The following SPAG9 variants were observed in gnomAD, a reference collection of about 807,000 sequenced individuals.
SPAG9 encodes sperm associated antigen 9, also known as C-Jun-amino-terminal kinase-interacting protein 4.
SPAG9 carries 35 observed loss-of-function variants against 166.5 expected under a neutral mutation model. The observed-to-expected ratio is 0.21, with a 90% confidence interval of 0.16 to 0.28. The LOEUF is 0.28. Among genes scored for constraint, SPAG9 ranks in the 10% least tolerant of loss-of-function variants. SPAG9 has a pLI of 1.00. For synonymous variants in SPAG9, 534 were observed against 565.5 expected (o/e 0.94, Z 0.79); for missense variants, 1,235 against 1,603.3 (o/e 0.77, Z 3.92).
chr17:51,095,338 G>A (rs1433475225), intron 1 of SPAG9, among the ~76,000 whole-genome samples: 8 of 144,778 alleles, frequency 5.5e-5, no homozygotes, highest in East Asian at 2.0e-4. Context: ...AGCCAGGCAC[G>A]GTGGCTCACG....
intron 9 of SPAG9, among the ~76,000 whole-genome samples, chr17:51,011,041 G>A (rs1251347712): frequency 6.6e-6 from 1 of 152,150 alleles, no homozygotes; most frequent in Non-Finnish European, 1.5e-5. Flanking sequence ...GTCGAGACAG[G>A]AAAGGACACA....
At chr17:51,066,152 C>A (rs1169961534) in intron 2 of SPAG9, among the ~76,000 whole-genome samples, 1 of 151,516 alleles carries the variant, frequency 6.6e-6, no homozygotes, top group Non-Finnish European at 1.5e-5. Context: ...GTTTCCCAGG[C>A]TGGAGTGCAA....
Position 51,077,001 on chromosome 17 carries a change from T to TCTAGCTATCTAG in SPAG9, c.424+2582_424+2583insCTAGATAGCTAG, listed in dbSNP as rs2047995328. On this transcript the variant is annotated intron_variant, in intron 2 of 29. Transcript: ENST00000262013. ...TCTATCTTATCTAGCTATCTAGCTA[T>TCTAGCTATCTAG]CTAGCTAGCTAGCTAGCTATCTAGC... is the stretch of plus-strand genomic sequence containing the variant. Among the ~76,000 whole-genome samples, 45 of 90,688 alleles carry TCTAGCTATCTAG rather than the reference T, an allele frequency of 5.0e-4. 3 individuals are homozygous for TCTAGCTATCTAG. In the South Asian group the frequency reaches 8.8e-3, roughly 18 times the overall value. The allele number at this position is 90,688 out of a possible 152,430, so 59.5% of individuals were successfully genotyped here.
In SPAG9 at chr17:51,120,644, CCTCCAG is replaced by C; in HGVS notation, c.7_12del (p.Leu3_Glu4del). On this transcript the variant is annotated inframe_deletion, in exon 1 of 30. Coordinates refer to ENST00000262013, the MANE Select transcript of SPAG9 (RefSeq NM_001130528.3). This position sits in a 1 kb window ranked among gnomAD's most constrained non-coding sequence, Gnocchi z 4.7. Reference sequence around the variant, plus strand: ...GGCTCCTCCTGATACACCACACCGTCCTCCAGCTCCATGGTGGCAAGCGGACGGGCG... The same window carrying C: ...GGCTCCTCCTGATACACCACACCGTCCTCCATGGTGGCAAGCGGACGGGCG... The C allele has an allele frequency of 6.2e-7, 1 of 1,604,968 alleles. No homozygotes were observed. Among genetic ancestry groups the C allele is most frequent in the South Asian group, 1.1e-5 (1 of 90,166 alleles).
At chr17:51,047,889 A>G (rs2047074813) in intron 3 of SPAG9, among the ~76,000 whole-genome samples, 1 of 152,078 alleles carries the variant, frequency 6.6e-6, no homozygotes. Flanking sequence ...ATTAATGTGA[A>G]ACTTCTGAAG....
chr17:51,039,931 A>T (rs1360578712), intron 5 of SPAG9, among the ~76,000 whole-genome samples: 1 of 152,102 alleles, frequency 6.6e-6, no homozygotes, highest in Non-Finnish European at 1.5e-5. Context: ...TGTGGTACAG[A>T]AGTAAAGAAA....
chr17:51,026,776 A>G (rs1461808165), intron 6 of SPAG9, among the ~76,000 whole-genome samples: 1 of 150,230 alleles, frequency 6.7e-6, no homozygotes, highest in Admixed American at 6.7e-5. Context: ...TCCCAGGTTC[A>G]AGTGATTCTC....
intron 3 of SPAG9, among the ~76,000 whole-genome samples, chr17:51,052,916 G>A (rs1368579051): frequency 1.3e-5 from 2 of 151,736 alleles, no homozygotes; most frequent in African/African-American, 2.4e-5. Flanking sequence ...AAAATTAGCC[G>A]AGCGTGGTGG....
At chr17:51,028,035 G>C (rs549026212) in intron 6 of SPAG9, among the ~76,000 whole-genome samples, 3 of 148,178 alleles carry the variant, frequency 2.0e-5, no homozygotes, top group African/African-American at 7.5e-5. Context: ...ATATGTGTGT[G>C]TCTTGGTTTT....
At chr17:50,971,341 CAAAA>C (rs1973788507) in intron 28 of SPAG9, among the ~76,000 whole-genome samples, 1 of 134,178 alleles carries the variant, frequency 7.5e-6, no homozygotes. Context: ...AACAAACAAA[CAAAA>C]CCCAATTTGA....
rs1012270120 is a variant in SPAG9, at chr17:50,974,494, C to T, written c.3700+277G>A. Among the ~76,000 whole-genome samples, 7 of 152,090 alleles carry T rather than the reference C, an allele frequency of 4.6e-5. No individual in the cohort carries two copies. In the East Asian group the frequency reaches 5.8e-4, roughly 13 times the overall value. On this transcript the variant is annotated intron_variant, in intron 28 of 29. Transcript: ENST00000262013. Reference sequence around the variant, plus strand: ...GGTCAAGACCATTTTTGGCAATCCACGATGATAAAATAATACTACTGCTTT... The same window carrying T: ...GGTCAAGACCATTTTTGGCAATCCATGATGATAAAATAATACTACTGCTTT...
intron 14 of SPAG9, among the ~76,000 whole-genome samples, chr17:50,999,061 A>G (rs1431422888): frequency 6.6e-6 from 1 of 152,228 alleles, no homozygotes; most frequent in South Asian, 2.1e-4. Flanking sequence ...TGGAACACAT[A>G]TTACCATGTT....
Position 51,120,771 on chromosome 17 carries a change from C to G in SPAG9, c.-115G>C. The G allele has an allele frequency of 2.2e-6, 2 of 920,840 alleles. No homozygotes were observed. Among genetic ancestry groups the G allele is most frequent in the Non-Finnish European group, 3.1e-6 (2 of 655,144 alleles). 57.0% of individuals were successfully genotyped at this position (920,840 alleles called of 1,614,324 possible). Reference sequence around the variant, plus strand: ...CGGGTACTAGGGCTGGAGCCCGGGCCGGGGCTGGGGCTGGGCCCGGCGGGG... The same window carrying G: ...CGGGTACTAGGGCTGGAGCCCGGGCGGGGGCTGGGGCTGGGCCCGGCGGGG... On this transcript the variant is annotated 5_prime_UTR_variant, in exon 1 of 30. Transcript: ENST00000262013. This position sits in a 1 kb window ranked among gnomAD's most constrained non-coding sequence, Gnocchi z 4.7.
In SPAG9 at chr17:51,047,422, C is replaced by A; in HGVS notation, c.543G>T (p.Gln181His). The change falls in exon 4 of 30, where the codon CAG becomes CAT. Residue 181 changes from glutamine to histidine, a missense_variant. Coordinates refer to ENST00000262013, the MANE Select transcript of SPAG9 (RefSeq NM_001130528.3). ...MEHLERTKLH[Q>H]LSGSDQLEST... ...ATTCTAGTTGATCACTCCCTGAGAG[C>A]TGATGAAGTTTTGTTCTTTCTAAAT... is the stretch of plus-strand genomic sequence containing the variant. The A allele has an allele frequency of 6.3e-7, 1 of 1,593,798 alleles. No individual in the cohort carries two copies. Among genetic ancestry groups the A allele is most frequent in the Non-Finnish European group, 8.6e-7 (1 of 1,168,464 alleles).
chr17:51,035,776 T>C (rs2046562616), intron 5 of SPAG9, among the ~76,000 whole-genome samples: 1 of 152,244 alleles, frequency 6.6e-6, no homozygotes, highest in Non-Finnish European at 1.5e-5. Flanking sequence ...TTGGTTTAGT[T>C]AGTTAAAATT....
At chr17:51,062,159 T>A (rs2144551033) in intron 2 of SPAG9, among the ~76,000 whole-genome samples, 1 of 152,292 alleles carries the variant, frequency 6.6e-6, no homozygotes, top group South Asian at 2.1e-4. Flanking sequence ...CAAAATTGAA[T>A]GAAAGTACAG....
chr17:50,990,695 C>G, intron 19 of SPAG9, 27 bp from the exon 20 acceptor site: 1 of 1,561,410 alleles, frequency 6.4e-7, no homozygotes, highest in Non-Finnish European at 8.8e-7. Context: ...CTTGTAACAG[C>G]AAAGTAAACT....
chr17:51,089,722 C>G (rs1362101990), intron 1 of SPAG9, among the ~76,000 whole-genome samples: 1 of 143,102 alleles, frequency 7.0e-6, no homozygotes, highest in Middle Eastern at 3.5e-3. Flanking sequence ...GTGACCCAGG[C>G]TGGAGTGCAG....
intron 2 of SPAG9, among the ~76,000 whole-genome samples, chr17:51,061,040 G>GT (rs1358177536): frequency 6.6e-6 from 1 of 151,414 alleles, no homozygotes; most frequent in Non-Finnish European, 1.5e-5. Context: ...TAGAGATGGG[G>GT]TTTCACCATG....
Sources: allele counts gnomAD v4.1 joint callset (sites outside exome capture counted in the v4.1 genomes callset), GRCh38; gene constraint gnomAD v4.1.1; non-coding constraint Gnocchi (gnomAD v3.1); transcripts MANE v1.5; gene names NCBI Gene and HGNC (gene_info 2026-07-23, HGNC 2026-07-21).